Variants in COX10 observed in about 807,000 individuals in gnomAD.
COX10 encodes cytochrome c oxidase assembly factor heme A:farnesyltransferase COX10.
Under a neutral mutation model 37.3 loss-of-function variants are expected in COX10, and 27 were observed. The observed-to-expected ratio is 0.72, with a 90% CI of 0.53 to 1.00. The LOEUF is 1.00. Among genes scored for constraint, COX10 ranks in the 50% least tolerant of loss-of-function variants. COX10 has a pLI of 0.00. For synonymous variants in COX10, 222 were observed against 229.1 expected, an observed-to-expected ratio of 0.97 and a Z score of 0.28; for missense variants, 475 against 563.2, an observed-to-expected ratio of 0.84 and a Z score of 1.59.
intron 1 of COX10, 44 bp from the exon 2 acceptor site, chr17:14,074,279 G>T (rs1241840278): frequency 6.2e-7 from 1 of 1,612,934 alleles, no homozygotes; most frequent in Non-Finnish European, 8.5e-7. Context: ...TTGATAAGAA[G>T]TACGAATCAT....
chr17:14,079,629 C>G (rs761652339), intron 3 of COX10, among the ~76,000 whole-genome samples: 7 of 152,118 alleles, frequency 4.6e-5, no homozygotes, highest in Non-Finnish European at 1.0e-4. Context: ...GTCTTATTTA[C>G]CTTTTACGTA....
intron 5 of COX10, chr17:14,182,119 A>T: frequency 1.0e-6 from 1 of 984,346 alleles, no homozygotes; most frequent in Non-Finnish European, 1.2e-6. Flanking sequence ...CCTTGAAAAA[A>T]ATTATTAATA....
chr17:14,152,960 A>G (rs1904946912), intron 4 of COX10, among the ~76,000 whole-genome samples: 1 of 152,208 alleles, frequency 6.6e-6, no homozygotes, highest in Non-Finnish European at 1.5e-5. Context: ...TGTGTGCTCC[A>G]CTGTAGTACC....
intron 3 of COX10, 144 bp from the exon 4 acceptor site, chr17:14,101,974 T>C: frequency 1.0e-6 from 1 of 999,248 alleles, no homozygotes; most frequent in Non-Finnish European, 1.5e-6. Flanking sequence ...GTGGATCTTT[T>C]TTAAGCCAAA....
intron 4 of COX10, among the ~76,000 whole-genome samples, chr17:14,111,762 G>A (rs1282785861): frequency 6.6e-6 from 1 of 152,094 alleles, no homozygotes; most frequent in Non-Finnish European, 1.5e-5. Context: ...GCTGTCATTA[G>A]ATGAAGTAAA....
intron 4 of COX10, among the ~76,000 whole-genome samples, chr17:14,109,520 TC>T (rs1299838694): frequency 2.0e-5 from 3 of 152,192 alleles, no homozygotes; most frequent in Admixed American, 2.0e-4. Context: ...ATTATTCGCT[TC>T]TTAATGATGA....
chr17:14,162,642 A>G lies in COX10; in HGVS notation c.695+2695A>G, dbSNP rs576508636. Among the ~76,000 whole-genome samples, 265 of 150,822 alleles carry G rather than the reference A, an allele frequency of 1.8e-3. 1 individual carries two copies. The highest frequency in any genetic ancestry group is 4.1e-3 in the African/African-American group (169 of 41,028). On this transcript the variant is annotated intron_variant, in intron 5 of 6. Transcript: ENST00000261643. Reference sequence around the variant, plus strand: ...CCCTGCTTTTTTTTTTTTTTTATCAACTACATAGAATTTATGCCCCTGTTG... The same window carrying G: ...CCCTGCTTTTTTTTTTTTTTTATCAGCTACATAGAATTTATGCCCCTGTTG...
intron 4 of COX10, among the ~76,000 whole-genome samples, chr17:14,128,310 A>G (rs868052043): frequency 2.0e-5 from 3 of 152,068 alleles, no homozygotes; most frequent in Admixed American, 1.3e-4. Flanking sequence ...TTTGTCGTAT[A>G]CTTATGAGAT....
At chr17:14,125,344 GT>G (rs1916317544) in intron 4 of COX10, among the ~76,000 whole-genome samples, 1 of 152,144 alleles carries the variant, frequency 6.6e-6, no homozygotes, top group African/African-American at 2.4e-5. Context: ...ATTTTAGGTT[GT>G]TATTTGTAAT....
intron 3 of COX10, among the ~76,000 whole-genome samples, chr17:14,084,315 G>GT (rs1555533720): frequency 6.6e-6 from 1 of 151,912 alleles, no homozygotes; most frequent in Non-Finnish European, 1.5e-5. Flanking sequence ...TATATGACTA[G>GT]TAAATATTTA....
At chr17:14,119,841 T>C (rs1353688728) in intron 4 of COX10, among the ~76,000 whole-genome samples, 1 of 152,108 alleles carries the variant, frequency 6.6e-6, no homozygotes, top group Non-Finnish European at 1.5e-5. Flanking sequence ...AGATTTTCTT[T>C]TATTTTAGTT....
chr17:14,087,683 AG>A (rs1452771286), intron 3 of COX10, among the ~76,000 whole-genome samples: 3 of 151,302 alleles, frequency 2.0e-5, no homozygotes, highest in Non-Finnish European at 4.4e-5. Flanking sequence ...TTTCTCCGAA[AG>A]GTTTTTTTTT....
chr17:14,079,036 C>A (rs1915220568), intron 3 of COX10, among the ~76,000 whole-genome samples: 2 of 152,166 alleles, frequency 1.3e-5, no homozygotes, highest in African/African-American at 4.8e-5. Context: ...TGGAATATGG[C>A]TTTGAAGTCA....
intron 3 of COX10, among the ~76,000 whole-genome samples, chr17:14,078,158 CAG>C (rs1915199150): frequency 6.6e-6 from 1 of 152,018 alleles, no homozygotes; most frequent in Non-Finnish European, 1.5e-5. Flanking sequence ...AAACATGTCT[CAG>C]TGGTTTATGG....
chr17:14,196,942 A>G (rs1187451365), intron 6 of COX10, among the ~76,000 whole-genome samples: 12 of 152,192 alleles, frequency 7.9e-5, no homozygotes, highest in Admixed American at 3.3e-4. Context: ...GAAGGGAGGC[A>G]GGTTGCACGG....
At chr17:14,121,669 C>T (rs9891527) in intron 4 of COX10, among the ~76,000 whole-genome samples, 1,529 of 152,140 alleles carry the variant, frequency 0.01, 29 homozygotes, top group African/African-American at 0.034. Context: ...TATTTCTACT[C>T]GCAAAACCTA....
At chr17:14,123,949 T>C (rs1357722265) in intron 4 of COX10, among the ~76,000 whole-genome samples, 1 of 152,146 alleles carries the variant, frequency 6.6e-6, no homozygotes, top group Non-Finnish European at 1.5e-5. Context: ...TTTTCCTCAG[T>C]GCTCCATATT....
chr17:14,125,404 G>T (rs1916320577), intron 4 of COX10, among the ~76,000 whole-genome samples: 1 of 152,094 alleles, frequency 6.6e-6, no homozygotes, highest in Non-Finnish European at 1.5e-5. Flanking sequence ...TGTATTAAGG[G>T]TATTGCCATT....
chr17:14,154,296 G>A (rs8073984), intron 4 of COX10, among the ~76,000 whole-genome samples: 151,447 of 152,346 alleles, frequency 0.99, 75,289 homozygotes, highest in Middle Eastern at 1. Context: ...ATACCTTAAT[G>A]AAGTTATGAC....
Sources: gnomAD v4.1 joint callset for allele counts (sites outside exome capture counted in the v4.1 genomes callset) on GRCh38, gnomAD v4.1.1 for gene constraint, MANE v1.5 for transcripts, NCBI Gene and HGNC (gene_info 2026-07-23, HGNC 2026-07-21) for gene names.